The following INTS6L variants were observed in gnomAD, a reference collection of about 807,000 sequenced individuals.
INTS6L encodes integrator complex subunit 6-like.
INTS6L carries 18 observed loss-of-function variants against 64.7 expected under a neutral mutation model. That is an observed-to-expected ratio of 0.28 (90% CI 0.19 to 0.41). The LOEUF (loss-of-function observed/expected upper bound fraction) is 0.41. INTS6L is among the 10% of genes least tolerant of loss of function. INTS6L has a pLI of 1.00. For missense variants in INTS6L, 533 were observed against 661.0 expected (o/e 0.81, Z 2.12); for synonymous variants, 227 against 235.9 (o/e 0.96, Z 0.34).
intron 9 of INTS6L, among the ~76,000 whole-genome samples, chrX:135,557,357 AATG>A (rs1336617774): frequency 8.9e-6 from 1 of 111,874 alleles, no homozygotes; most frequent in African/African-American, 3.2e-5. Flanking sequence ...TAACACTGTT[AATG>A]ATATTATTTT....
At chrX:135,535,201 C>T (rs1319550802) in intron 2 of INTS6L, among the ~76,000 whole-genome samples, 1 of 111,150 alleles carries the variant, frequency 9.0e-6, no homozygotes, top group African/African-American at 3.3e-5. Flanking sequence ...GAAGACAGTT[C>T]CATTCTTATA....
At position 135,547,126 on chromosome X, in the gene INTS6L, T is replaced by A. The variant is rs1274836497; in HGVS notation, c.614-11T>A. The A allele has an allele frequency of 1.7e-6, 2 of 1,203,366 alleles. No individual in the cohort carries two copies. The highest frequency in any genetic ancestry group is 2.2e-6 in the Non-Finnish European group (2 of 893,075). ...TCAAACTTGTGCTATTTATTTTTCC[T>A]TCTGGGATAGGTCGCTCCTACTGTG... On this transcript the variant is annotated splice_polypyrimidine_tract_variant and intron_variant, in intron 5 of 17. Transcript: ENST00000639893.
At chrX:135,536,697 C>T (rs1266443551) in intron 2 of INTS6L, among the ~76,000 whole-genome samples, 1 of 111,318 alleles carries the variant, frequency 9.0e-6, no homozygotes, top group Non-Finnish European at 1.9e-5. Context: ...ATTAATGAAT[C>T]GGAGAAATGG....
intron 9 of INTS6L, among the ~76,000 whole-genome samples, chrX:135,567,580 G>A (rs782115683): frequency 8.9e-6 from 1 of 112,157 alleles, no homozygotes; most frequent in African/African-American, 3.2e-5. Context: ...TGTTAGAAAT[G>A]CAAAGAGTAT....
At chrX:135,564,980 G>C (rs2086903439) in intron 9 of INTS6L, among the ~76,000 whole-genome samples, 1 of 111,353 alleles carries the variant, frequency 9.0e-6, no homozygotes. Context: ...TGTTATTGTT[G>C]TGTGTGAGTA....
At position 135,550,430 on chromosome X, in the gene INTS6L, C is replaced by CTT. The variant is rs35317599; in HGVS notation, c.906+640_906+641dup. On this transcript the variant is annotated intron_variant, in intron 7 of 17. Transcript: ENST00000639893. ...TTGCTCCCAGTGCCAGATCAATTGG[C>CTT]TTTTTTTTTTTTTTTTGGAGGGAGG... is the stretch of plus-strand genomic sequence containing the variant. Among the ~76,000 whole-genome samples the CTT allele has an allele frequency of 3.7e-3, 318 of 86,532 alleles. 2 individuals are homozygous for CTT. The highest frequency in any genetic ancestry group is 4.5e-3 in the Admixed American group (33 of 7,388). The allele number at this position is 86,532 out of a possible 115,157, so 75.1% of individuals were successfully genotyped here.
chrX:135,530,321 T>G (rs1359068762), intron 2 of INTS6L, among the ~76,000 whole-genome samples: 1 of 111,782 alleles, frequency 8.9e-6, no homozygotes, highest in Non-Finnish European at 1.9e-5. Flanking sequence ...GTGACAGATA[T>G]AGAGTTGTTG....
At chrX:135,561,844 G>A (rs185204465) in intron 9 of INTS6L, among the ~76,000 whole-genome samples, 2 of 111,098 alleles carry the variant, frequency 1.8e-5, no homozygotes, top group East Asian at 5.6e-4. Context: ...ATCCCTTATG[G>A]TCCTTTTGAT....
At chrX:135,529,656 G>C (rs2085848971) in intron 2 of INTS6L, among the ~76,000 whole-genome samples, 2 of 111,615 alleles carry the variant, frequency 1.8e-5, no homozygotes, top group Non-Finnish European at 3.8e-5. Context: ...CCCTAATTTT[G>C]GATCCTCCTA....
In INTS6L at chrX:135,557,104, T is replaced by C. The variant is rs782145058; in HGVS notation, c.1192+804T>C. On this transcript the variant is annotated intron_variant, in intron 9 of 17. Transcript: ENST00000639893. ...TAAGAATGAGTCATCGTAAATGTAT[T>C]AGCATGATTATTTTAAATAACCTAT... is the stretch of plus-strand genomic sequence containing the variant. Among the ~76,000 whole-genome samples, 5 of 111,966 alleles carry C rather than the reference T, an allele frequency of 4.5e-5. No individual in the cohort carries two copies. The South Asian group carries it at 1.9e-3, about 41-fold the overall frequency.
chrX:135,540,596 C>CT (rs1259467910), intron 2 of INTS6L, among the ~76,000 whole-genome samples: 1 of 111,092 alleles, frequency 9.0e-6, no homozygotes, highest in Non-Finnish European at 1.9e-5. Flanking sequence ...GCCTCATGCT[C>CT]TATCACCAAG....
chrX:135,553,325 G>A (rs964837408), intron 8 of INTS6L, among the ~76,000 whole-genome samples: 3 of 109,000 alleles, frequency 2.8e-5, no homozygotes, highest in East Asian at 5.7e-4. Context: ...TTGAGACAGC[G>A]TCCAGCCTGT....
At chrX:135,550,158 C>T (rs2086461988) in intron 7 of INTS6L, among the ~76,000 whole-genome samples, 2 of 112,182 alleles carry the variant, frequency 1.8e-5, no homozygotes, top group South Asian at 7.3e-4. Flanking sequence ...ATGTACTGGC[C>T]TTGGTTTTCA....
At chrX:135,577,462 C>T (rs1556531781) in intron 15 of INTS6L, 35 bp downstream of exon 15, 1 of 1,151,091 alleles carries the variant, frequency 8.7e-7, no homozygotes, top group Non-Finnish European at 1.2e-6. Context: ...CTTATGGCTC[C>T]TAGAGGACTA....
chrX:135,581,572 A>G lies in INTS6L; in HGVS notation c.2633A>G (p.Glu878Gly). ...VLIQYLEKVL[E>G]KINSHHLHNN... ...ATTCAGTACCTTGAGAAGGTACTAG[A>G]AAAAATAAATTCCCACCACCTTCAC... The change falls in exon 18 of 18, where the codon GAA becomes GGA. Residue 878 changes from glutamate to glycine, a missense_variant. By Grantham distance (98) the Glu-to-Gly change is moderately conservative. Transcript: ENST00000639893. The G allele has an allele frequency of 1.7e-6, 2 of 1,211,166 alleles. No individual in the cohort carries two copies. Among genetic ancestry groups the G allele is most frequent in the Non-Finnish European group, 2.2e-6 (2 of 895,059 alleles).
intron 2 of INTS6L, among the ~76,000 whole-genome samples, chrX:135,533,686 G>A (rs1237834878): frequency 9.0e-6 from 1 of 111,266 alleles, no homozygotes; most frequent in Non-Finnish European, 1.9e-5. Flanking sequence ...GTAATAAATG[G>A]CCATTCTGCT....
intron 2 of INTS6L, among the ~76,000 whole-genome samples, chrX:135,535,341 T>C (rs2086026249): frequency 8.9e-6 from 1 of 112,496 alleles, no homozygotes; most frequent in South Asian, 3.7e-4. Context: ...CAGTGTTCTG[T>C]TACCTAAGAG....
Position 135,546,452 on chromosome X carries a change from G to C in INTS6L, c.412G>C (p.Ala138Pro), listed in dbSNP as rs782569118. The C allele has an allele frequency of 1.5e-5, 18 of 1,169,085 alleles. No individual in the cohort carries two copies. In the South Asian group the frequency reaches 3.6e-4, roughly 24 times the overall value. The stretch of plus-strand genomic sequence containing the variant: ...AGATGGAAACAAGTTAACAAGTACT[G>C]CTGGTGTTCAAGAAGAGGTGAGATT... ...ITDGNKLTSTAGVQEELHLPL... is the reference protein window; with the variant it reads ...ITDGNKLTSTPGVQEELHLPL... The change falls in exon 4 of 18, where the codon GCT becomes CCT. Residue 138 changes from alanine to proline, a missense_variant. Ala to Pro is a conservative substitution (Grantham distance 27). Coordinates refer to ENST00000639893, the MANE Select transcript of INTS6L (RefSeq NM_001351601.3).
At chrX:135,553,489 T>C (rs1452110086) in intron 8 of INTS6L, among the ~76,000 whole-genome samples, 2 of 103,434 alleles carry the variant, frequency 1.9e-5, no homozygotes, top group East Asian at 3.0e-4. Context: ...AAATTTTTTT[T>C]TTTTTTTTTT....
Sources: allele counts gnomAD v4.1 joint callset (sites outside exome capture counted in the v4.1 genomes callset), GRCh38; gene constraint gnomAD v4.1.1; transcripts MANE v1.5; gene names NCBI Gene and HGNC (gene_info 2026-07-23, HGNC 2026-07-21).